Variants in POU2AF2 observed in about 807,000 individuals in gnomAD.
POU2AF2 encodes the protein POU class 2 homeobox associating factor 2, also known as POU domain class 2-associating factor 2.
chr11:111,270,430 G>A, the POU2AF2 span, among the ~76,000 whole-genome samples: 1 of 152,072 alleles, frequency 6.6e-6, no homozygotes, highest in Non-Finnish European at 1.5e-5. Context: ...GTCACCTAAG[G>A]CTGGTGATAA....
the POU2AF2 span, chr11:111,285,781 G>A: frequency 6.2e-7 from 1 of 1,611,758 alleles, no homozygotes; most frequent in Admixed American, 1.7e-5. Flanking sequence ...GCATCGCCCA[G>A]CACAGGGGCT....
At chr11:111,268,522 AT>A in the POU2AF2 span, among the ~76,000 whole-genome samples, 5 of 90,504 alleles carry the variant, frequency 5.5e-5, no homozygotes, top group African/African-American at 1.8e-4. Flanking sequence ...ATTTTATTTT[AT>A]TTTATTTTAT....
the POU2AF2 span, chr11:111,285,990 C>A: frequency 8.7e-6 from 14 of 1,613,886 alleles, no homozygotes; most frequent in Non-Finnish European, 1.1e-5. Context: ...CATGACCCTT[C>A]CCCTTGGGTG....
chr11:111,285,542 C>T, the POU2AF2 span: 1 of 1,157,122 alleles, frequency 8.6e-7, no homozygotes, highest in South Asian at 1.6e-5. Context: ...AGGCTTCAGG[C>T]AGCAGAGAGA....
At chr11:111,284,286 T>A in the POU2AF2 span, 1 of 1,613,664 alleles carries the variant, frequency 6.2e-7, no homozygotes, top group Non-Finnish European at 8.5e-7. Context: ...CCTCCGGCGC[T>A]GACGCCCAAC....
the POU2AF2 span, among the ~76,000 whole-genome samples, chr11:111,266,656 A>G: frequency 1.3e-5 from 2 of 152,316 alleles, no homozygotes; most frequent in South Asian, 4.1e-4. Context: ...AATAATAACA[A>G]TAATTATCAC....
chr11:111,274,031 G>A, the POU2AF2 span, among the ~76,000 whole-genome samples: 40,780 of 152,056 alleles, frequency 0.27, 5,750 homozygotes, highest in Admixed American at 0.34. Context: ...CAGGATAAGA[G>A]GCAACTGTGT....
the POU2AF2 span, among the ~76,000 whole-genome samples, chr11:111,277,516 T>C: frequency 6.6e-6 from 1 of 152,192 alleles, no homozygotes; most frequent in South Asian, 2.1e-4. Context: ...TCAGCCACAA[T>C]GACATAGACT....
At chr11:111,282,192 G>A in the POU2AF2 span, among the ~76,000 whole-genome samples, 1 of 152,182 alleles carries the variant, frequency 6.6e-6, no homozygotes, top group South Asian at 2.1e-4. Flanking sequence ...TAAGAGAGCA[G>A]AGGCTTTTTT....
chr11:111,271,781 C>T, the POU2AF2 span, among the ~76,000 whole-genome samples: 4 of 151,926 alleles, frequency 2.6e-5, no homozygotes, highest in Admixed American at 6.6e-5. Flanking sequence ...GGGAGGCCAA[C>T]GTGGGTGGAT....
chr11:111,251,722 TC>T, the POU2AF2 span, among the ~76,000 whole-genome samples: 1 of 152,136 alleles, frequency 6.6e-6, no homozygotes, highest in Non-Finnish European at 1.5e-5. Context: ...AGTGTACTCT[TC>T]CCCCTCCCCT....
chr11:111,257,462 C>A, the POU2AF2 span, among the ~76,000 whole-genome samples: 306 of 151,408 alleles, frequency 2.0e-3, no homozygotes, highest in Middle Eastern at 6.8e-3. Flanking sequence ...CAGGTTCAAG[C>A]GATTCAAGCG....
the POU2AF2 span, among the ~76,000 whole-genome samples, chr11:111,247,878 C>T: frequency 1.7e-4 from 19 of 115,014 alleles, no homozygotes; most frequent in African/African-American, 5.4e-4. Flanking sequence ...TATAAGTGGC[C>T]TTTTTTTTTT....
the POU2AF2 span, chr11:111,284,417 G>A: frequency 4.6e-6 from 7 of 1,534,562 alleles, no homozygotes; most frequent in South Asian, 5.0e-5. Context: ...GTAAAAGAGG[G>A]GCGAGGCTCG....
At chr11:111,283,401 C>T in the POU2AF2 span, among the ~76,000 whole-genome samples, 1 of 144,874 alleles carries the variant, frequency 6.9e-6, no homozygotes, top group South Asian at 2.3e-4. Flanking sequence ...GTGCTGGGCC[C>T]TGGTGAGTTG....
chr11:111,277,120 T>G, the POU2AF2 span, among the ~76,000 whole-genome samples: 1 of 152,356 alleles, frequency 6.6e-6, no homozygotes, highest in Non-Finnish European at 1.5e-5. Context: ...GGACAGTTCT[T>G]ATCTGTCAAT....
At chr11:111,262,771 G>A in the POU2AF2 span, among the ~76,000 whole-genome samples, 3 of 152,128 alleles carry the variant, frequency 2.0e-5, no homozygotes, top group Non-Finnish European at 4.4e-5. Flanking sequence ...GATTTCTCTA[G>A]TTTCTGTGCT....
chr11:111,279,486 C>G, the POU2AF2 span, among the ~76,000 whole-genome samples: 1 of 152,198 alleles, frequency 6.6e-6, no homozygotes, highest in East Asian at 1.9e-4. Context: ...TTCCTTGCCT[C>G]TTCCTAGCTG....
At chr11:111,280,468 C>T in the POU2AF2 span, among the ~76,000 whole-genome samples, 2 of 152,156 alleles carry the variant, frequency 1.3e-5, no homozygotes, top group Non-Finnish European at 1.5e-5. Flanking sequence ...ATTTCTAGAT[C>T]TTAAATGGCA....
Sources: allele counts gnomAD v4.1 joint callset (sites outside exome capture counted in the v4.1 genomes callset), GRCh38; gene constraint gnomAD v4.1.1; transcripts MANE v1.5; gene names NCBI Gene and HGNC (gene_info 2026-07-23, HGNC 2026-07-21).